Variants in B4GALT6 observed in about 807,000 individuals in gnomAD.
B4GALT6 encodes beta-1,4-galactosyltransferase 6.
Under a neutral mutation model 46.3 loss-of-function variants are expected in B4GALT6, and 14 were observed. The observed-to-expected ratio is 0.30, with a 90% CI of 0.20 to 0.47. B4GALT6 has a LOEUF of 0.47. B4GALT6 is among the 20% of genes least tolerant of loss of function. The pLI, the probability that B4GALT6 is intolerant of heterozygous loss-of-function variation, is 0.99. For synonymous variants in B4GALT6, 168 were observed against 162.0 expected (o/e 1.04, Z -0.28); for missense variants, 386 against 480.1 (o/e 0.80, Z 1.83).
intron 2 of B4GALT6, among the ~76,000 whole-genome samples, chr18:31,661,373 G>A (rs2074213973): frequency 6.6e-6 from 1 of 152,170 alleles, no homozygotes. Flanking sequence ...TGAGGATTGG[G>A]ACTCAGGGAG....
At chr18:31,700,437 G>GTGTGTT in the B4GALT6 span, among the ~76,000 whole-genome samples, 1 of 117,870 alleles carries the variant, frequency 8.5e-6, no homozygotes, top group Non-Finnish European at 1.7e-5. Flanking sequence ...TTGACTATTT[G>GTGTGTT]TGTGTGTGTG....
the B4GALT6 span, among the ~76,000 whole-genome samples, chr18:31,721,124 G>GT: frequency 4.2e-5 from 6 of 142,360 alleles, no homozygotes; most frequent in Admixed American, 7.1e-5. Context: ...TGTTACAGGC[G>GT]TATGTGCATG....
chr18:31,698,166 CTG>C, the B4GALT6 span, among the ~76,000 whole-genome samples: 1 of 152,178 alleles, frequency 6.6e-6, no homozygotes, highest in African/African-American at 2.4e-5. Flanking sequence ...ATGCTTCATT[CTG>C]TGTTAGATTC....
intron 5 of B4GALT6, 66 bp downstream of exon 5, chr18:31,638,578 A>T (rs2073891329): frequency 1.6e-6 from 2 of 1,266,316 alleles, no homozygotes; most frequent in Non-Finnish European, 2.3e-6. Flanking sequence ...AAATATGTTT[A>T]ATCTAACCAT....
Position 31,631,115 on chromosome 18 carries a change from A to T in B4GALT6, c.620T>A (p.Leu207His). The T allele has an allele frequency of 6.2e-7, 1 of 1,614,112 alleles. No individual in the cohort carries two copies. Among genetic ancestry groups the T allele is most frequent in the Non-Finnish European group, 8.5e-7 (1 of 1,180,018 alleles). ...GGCCTCTTTGAAGCCCACATTGAAA[A>T]GCATCGCACGGTTAAAAGGTTGTGT... ...TGTQPFNRAM[L>H]FNVGFKEAMK... The change falls in exon 6 of 9, where the codon CTT (leucine) becomes CAT (histidine). Residue 207 changes from leucine to histidine, a missense_variant. Coordinates refer to ENST00000306851, the MANE Select transcript of B4GALT6 (RefSeq NM_004775.5).
chr18:31,678,715 G>A (rs187904152), intron 1 of B4GALT6, among the ~76,000 whole-genome samples: 4 of 152,302 alleles, frequency 2.6e-5, no homozygotes, highest in African/African-American at 4.8e-5. Context: ...TGGACAACGC[G>A]GTGGGCTCTC....
At chr18:31,653,824 T>C (rs2074106152) in intron 3 of B4GALT6, among the ~76,000 whole-genome samples, 1 of 152,186 alleles carries the variant, frequency 6.6e-6, no homozygotes, top group African/African-American at 2.4e-5. Flanking sequence ...ACGTTCAGTC[T>C]TGTCTCTCCC....
intron 5 of B4GALT6, among the ~76,000 whole-genome samples, chr18:31,638,181 T>C (rs1018238715): frequency 1.3e-5 from 2 of 152,136 alleles, no homozygotes; most frequent in Non-Finnish European, 2.9e-5. Flanking sequence ...ATTACAATTA[T>C]TATAAAAGAA....
chr18:31,722,776 G>A, the B4GALT6 span, among the ~76,000 whole-genome samples: 3 of 152,148 alleles, frequency 2.0e-5, no homozygotes, highest in Admixed American at 1.3e-4. Context: ...AAACCACAGC[G>A]CTACTATGAT....
At chr18:31,635,082 T>A (rs2073841270) in intron 5 of B4GALT6, among the ~76,000 whole-genome samples, 1 of 151,880 alleles carries the variant, frequency 6.6e-6, no homozygotes, top group Admixed American at 6.6e-5. Flanking sequence ...AATACAAAAA[T>A]TAGCTGGGTG....
chr18:31,658,816 A>G (rs911634948), intron 2 of B4GALT6, among the ~76,000 whole-genome samples: 2 of 152,172 alleles, frequency 1.3e-5, no homozygotes, highest in African/African-American at 2.4e-5. Context: ...TTAAACTTCA[A>G]TAAGACAAAA....
At chr18:31,685,701 C>T (rs949803014), upstream of B4GALT6, 2 of 152,230 alleles carry the variant, frequency 1.3e-5, no homozygotes, top group Non-Finnish European at 2.9e-5. Flanking sequence ...ACATTGTACC[C>T]TGGGGGTACA....
intron 3 of B4GALT6, among the ~76,000 whole-genome samples, chr18:31,654,499 T>C (rs909251282): frequency 2.0e-5 from 3 of 152,248 alleles, no homozygotes; most frequent in Admixed American, 6.5e-5. Context: ...ATAGGCTTTA[T>C]AGTGTAATTG....
At chr18:31,686,739 T>C (rs2029936599), upstream of B4GALT6, 1 of 152,222 alleles carries the variant, frequency 6.6e-6, no homozygotes, top group Admixed American at 6.5e-5. Context: ...ACAAAATCTA[T>C]GCAAGCCAAA....
intron 1 of B4GALT6, among the ~76,000 whole-genome samples, chr18:31,679,885 A>G (rs1401698066): frequency 1.3e-5 from 2 of 152,148 alleles, no homozygotes; most frequent in Non-Finnish European, 2.9e-5. Flanking sequence ...TACTATTCCC[A>G]TCCATTCAAC....
chr18:31,681,116 T>TCAAA (rs140776), intron 1 of B4GALT6, among the ~76,000 whole-genome samples: 136,766 of 152,052 alleles, frequency 0.9, 61,661 homozygotes, highest in Non-Finnish European at 0.93. Flanking sequence ...CTTCCATACC[T>TCAAA]CAATGTCCAG....
upstream of B4GALT6, among the ~76,000 whole-genome samples, chr18:31,689,996 A>G (rs2030056609): frequency 6.6e-6 from 1 of 152,210 alleles, no homozygotes; most frequent in Non-Finnish European, 1.5e-5. Flanking sequence ...GAGAATCTCG[A>G]GAGATAGCTT....
intron 7 of B4GALT6, 98 bp downstream of exon 7, chr18:31,626,901 C>G: frequency 9.5e-7 from 1 of 1,052,564 alleles, no homozygotes; most frequent in Non-Finnish European, 1.4e-6. Context: ...ATATCCCATC[C>G]CAAAGAATGT....
intron 1 of B4GALT6, among the ~76,000 whole-genome samples, chr18:31,669,150 T>C (rs2074319158): frequency 6.6e-6 from 1 of 152,224 alleles, no homozygotes. Flanking sequence ...CTATTTATTC[T>C]TGATACAATT....
Sources: allele counts gnomAD v4.1 joint callset (sites outside exome capture counted in the v4.1 genomes callset), GRCh38; gene constraint gnomAD v4.1.1; transcripts MANE v1.5; gene names NCBI Gene and HGNC (gene_info 2026-07-23, HGNC 2026-07-21).